FZD4: variants seen among roughly 807,000 people sequenced by gnomAD.
FZD4 encodes frizzled class receptor 4, also known as frizzled-4.
In FZD4, 16 loss-of-function variants were observed where a neutral mutation model predicts 37.3. The ratio of observed to expected loss-of-function variants is 0.43; its 90% confidence interval spans 0.29 to 0.65. The LOEUF (loss-of-function observed/expected upper bound fraction) is 0.65. Ranked by LOEUF, FZD4 falls within the 30% of genes least tolerant of loss-of-function variation. The probability of loss-of-function intolerance (pLI) is 0.16; values close to 1 mark genes in which losing one functional copy is unlikely to be tolerated. For missense variants in FZD4, 599 were observed against 674.3 expected (o/e 0.89, Z 1.24); for synonymous variants, 246 against 254.8 (o/e 0.97, Z 0.33).
rs201256460 is a variant in FZD4 at position 86,951,167 on chromosome 11, C to A, written c.1589G>T (p.Gly530Val). The A allele has an allele frequency of 1.2e-6, 2 of 1,613,958 alleles. No homozygotes were observed. The highest frequency in any genetic ancestry group is 1.7e-6 in the Non-Finnish European group (2 of 1,179,936). The change falls in exon 2 of 2, where the codon GGA becomes GTA. Residue 530 changes from glycine (G) to valine (V), a missense_variant. Gly to Val is a moderately radical substitution (Grantham distance 109). Around this residue, in one of 3 missense-constraint regions of FZD4, gnomAD observed 203 missense variants for 196.8 expected, o/e 1.03. Coordinates refer to ENST00000531380, the MANE Select transcript of FZD4 (RefSeq NM_012193.4). ...TTATACCACAGTCTCACTGCCTTTT[C>A]CAGGCTTCACCCAACCATTTCCTCT... ...EKRGNGWVKP[G>V]KGSETVV
chr11:86,954,488 C>T (rs1265922752), intron 1 of FZD4: 55 of 985,218 alleles, frequency 5.6e-5, no homozygotes, highest in Non-Finnish European at 2.8e-5. Flanking sequence ...GCCCACCGAG[C>T]AGTGGCGGCC....
chr11:86,955,195 G>GC lies in FZD4; in HGVS notation c.-111_-110insG. The GC allele has an allele frequency of 2.3e-6, 2 of 860,722 alleles. No individual in the cohort carries two copies. Among genetic ancestry groups the GC allele is most frequent in the Non-Finnish European group, 1.6e-6 (1 of 609,426 alleles). 53.3% of individuals were successfully genotyped at this position (860,722 alleles called of 1,614,324 possible). On this transcript the variant is annotated 5_prime_UTR_variant, in exon 1 of 2. Transcript: ENST00000531380. ...GCTGCTCCCAGCTCCCGGGACGGGA[G>GC]TGTGATGCGGCGACGAGGGGGCAGC...
chr11:86,952,483 C>T lies in FZD4; in HGVS notation c.286-13G>A. ...AACAAAGGAAGAACTGGAAAAGTAACAAAATGAACACACACAAAAAAAACA... is the reference window on the plus strand; with the variant it reads ...AACAAAGGAAGAACTGGAAAAGTAATAAAATGAACACACACAAAAAAAACA... On this transcript the variant is annotated splice_polypyrimidine_tract_variant and intron_variant, in intron 1 of 1. Coordinates refer to ENST00000531380, the MANE Select transcript of FZD4 (RefSeq NM_012193.4). The T allele has an allele frequency of 6.2e-7, 1 of 1,609,798 alleles. No individual in the cohort carries two copies. Among genetic ancestry groups the T allele is most frequent in the South Asian group, 1.1e-5 (1 of 90,954 alleles).
intron 1 of FZD4, 95 bp from the exon 2 acceptor site, chr11:86,952,565 A>C: frequency 2.2e-6 from 3 of 1,375,732 alleles, no homozygotes; most frequent in Non-Finnish European, 3.1e-6. Flanking sequence ...GCTTCCAGGC[A>C]ATCTAGGTAT....
rs1949324835 is a variant in FZD4, at chr11:86,955,046, G to A, written c.40C>T (p.Pro14Ser). 7.5e-6 allele frequency: 12 copies of A among 1,604,900 alleles called. No individual in the cohort carries two copies. In the South Asian group the frequency reaches 7.8e-5, roughly 10 times the overall value. The change falls in exon 1 of 2, where the codon CCC (proline) becomes TCC (serine). Residue 14 changes from proline (P) to serine (S), a missense_variant. This residue lies in a region of FZD4 where 357 missense variants were observed against 396.1 expected (regional missense o/e 0.90). Coordinates refer to ENST00000531380, the MANE Select transcript of FZD4 (RefSeq NM_012193.4). Reference sequence around the variant, plus strand: ...CCCAGACTGAGACCGACGCCCCCGGGCGCCCCCGGGACGCTCGGCCCTGCG... The same window carrying A: ...CCCAGACTGAGACCGACGCCCCCGGACGCCCCCGGGACGCTCGGCCCTGCG... ...RGAGPSVPGA[P>S]GGVGLSLGLL...
chr11:86,952,456 A>T lies in FZD4; in HGVS notation c.300T>A (p.Ser100=). ...TCTCTGTGCACATTGGCACATAAAC[A>T]GAACAAAGGAAGAACTGGAAAAGTA... ...CSSQLQFFLC[S]VYVPMCTEKI... The change falls in exon 2 of 2, where the codon TCT becomes TCA. Residue 100 remains serine, a synonymous_variant. Coordinates refer to ENST00000531380, the MANE Select transcript of FZD4 (RefSeq NM_012193.4). The T allele has an allele frequency of 6.2e-7, 1 of 1,613,732 alleles. No individual in the cohort carries two copies. Among genetic ancestry groups the T allele is most frequent in the Non-Finnish European group, 8.5e-7 (1 of 1,179,996 alleles).
intron 1 of FZD4, chr11:86,954,100 C>A (rs766801891): frequency 1.1e-5 from 3 of 263,176 alleles, no homozygotes; most frequent in Non-Finnish European, 1.8e-5. Context: ...ATTATAATCA[C>A]CCTGTATATG....
intron 1 of FZD4, 21 bp downstream of exon 1, chr11:86,954,780 G>T (rs1363719108): frequency 6.3e-7 from 1 of 1,587,192 alleles, no homozygotes; most frequent in Non-Finnish European, 8.6e-7. Flanking sequence ...TCCCGCCAGG[G>T]GTGGGGGTGG....
chr11:86,954,694 C>T, intron 1 of FZD4, 107 bp downstream of exon 1: 1 of 1,452,628 alleles, frequency 6.9e-7, no homozygotes. Flanking sequence ...TCCAGGAGAG[C>T]TGTCTCCTTC....
In FZD4 at chr11:86,948,206, C is replaced by T. The variant is rs1949259883; in HGVS notation, c.*2936G>A. On this transcript the variant is annotated 3_prime_UTR_variant, in exon 2 of 2. Transcript: ENST00000531380. ...GACCCAGGCTGGGTGTGGTGGCTCA[C>T]ACAGGAAGAGATTTATGGAATGGAG... The T allele has an allele frequency of 6.6e-6, 1 of 151,996 alleles. No individual in the cohort carries two copies. The highest frequency in any genetic ancestry group is 2.4e-5 in the African/African-American group (1 of 41,334). The allele number at this position is 151,996 out of a possible 1,614,324, so 9.4% of individuals were successfully genotyped here. A position where few individuals can be genotyped will look rare whatever the true frequency, so the allele number is the denominator to read the frequency against.
In FZD4 at chr11:86,954,945, G is replaced by T. The variant is rs1949323606; in HGVS notation, c.141C>A (p.Pro47=). ...FGDEEERRCD[P]IRISMCQNLG... ...GGTTCTGGCACATGGAGATGCGGAT[G>T]GGGTCGCAGCGCCGCTCTTCCTCGT... Residue 47 remains proline, a synonymous_variant, in exon 1 of 2, where the codon CCC becomes CCA. Coordinates refer to ENST00000531380, the MANE Select transcript of FZD4 (RefSeq NM_012193.4). 6.2e-7 allele frequency: 1 copy of T among 1,613,468 alleles called. No individual in the cohort carries two copies. The highest frequency in any genetic ancestry group is 1.3e-5 in the African/African-American group (1 of 74,844).
chr11:86,952,376 C>G lies in FZD4; in HGVS notation c.380G>C (p.Arg127Pro). The change falls in exon 2 of 2, where the codon CGC (arginine) becomes CCC (proline). Residue 127 changes from arginine to proline, a missense_variant. By Grantham distance (103) the Arg-to-Pro change is moderately radical. This residue lies in a region of FZD4 where 357 missense variants were observed against 396.1 expected (regional missense o/e 0.90). Transcript: ENST00000531380. ...CGGMCLSVKR[R>P]CEPVLKEFGF... The stretch of plus-strand genomic sequence containing the variant: ...AAATTCCTTCAGGACGGGTTCACAG[C>G]GTCTCTTGACTGAAAGACACATGCC... The G allele has an allele frequency of 6.2e-7, 1 of 1,614,180 alleles. No individual in the cohort carries two copies. The highest frequency in any genetic ancestry group is 1.3e-5 in the African/African-American group (1 of 75,060).
In FZD4 at chr11:86,947,968, T is replaced by C. The variant is rs942825232; in HGVS notation, c.*3174A>G. 6.6e-6 allele frequency: 1 copy of C among 152,276 alleles called. No homozygotes were observed. The highest frequency in any genetic ancestry group is 2.1e-4 in the South Asian group (1 of 4,834). The allele number at this position is 152,276 out of a possible 1,614,324, so 9.4% of individuals were successfully genotyped here. On this transcript the variant is annotated 3_prime_UTR_variant, in exon 2 of 2. Transcript: ENST00000531380. ...AAGATGCTGTCCTCAAATATACCTATACAAGTCACATGGAATACCCCAAGC... is the reference window on the plus strand; with the variant it reads ...AAGATGCTGTCCTCAAATATACCTACACAAGTCACATGGAATACCCCAAGC...
At position 86,955,015 on chromosome 11, in the gene FZD4, A is replaced by G; in HGVS notation, c.71T>C (p.Leu24Pro). 1.2e-6 allele frequency: 2 copies of G among 1,612,504 alleles called. No individual in the cohort carries two copies. The highest frequency in any genetic ancestry group is 1.1e-5 in the South Asian group (1 of 91,024). Reference sequence around the variant, plus strand: ...CCCCAGGAGCAGCAGCAACTGCAGGAGCAACCCCAGACTGAGACCGACGCC... The same window carrying G: ...CCCCAGGAGCAGCAGCAACTGCAGGGGCAACCCCAGACTGAGACCGACGCC... ...PGGVGLSLGL[L>P]LQLLLLLGPA... The change falls in exon 1 of 2, where the codon CTC becomes CCC. Residue 24 changes from leucine (L) to proline (P), a missense_variant. Around this residue, in one of 3 missense-constraint regions of FZD4, gnomAD observed 357 missense variants for 396.1 expected, o/e 0.90. Transcript: ENST00000531380.
In FZD4 at chr11:86,953,569, C is replaced by T. The variant is rs555354966; in HGVS notation, c.286-1099G>A. Among the ~76,000 whole-genome samples, 3 of 152,144 alleles carry T rather than the reference C, an allele frequency of 2.0e-5. No individual in the cohort carries two copies. In the South Asian group the frequency reaches 6.2e-4, roughly 32 times the overall value. ...TGCACCTAGTAAGTAAGCTGTATGT[C>T]TGTTTATTATCTCTCAGAAGTTACA... On this transcript the variant is annotated intron_variant, in intron 1 of 1. Coordinates refer to ENST00000531380, the MANE Select transcript of FZD4 (RefSeq NM_012193.4).
chr11:86,954,879 G>C lies in FZD4; in HGVS notation c.207C>G (p.His69Gln). 1 of 1,613,040 alleles carries C rather than the reference G, an allele frequency of 6.2e-7. No homozygotes were observed. Among genetic ancestry groups the C allele is most frequent in the Non-Finnish European group, 8.5e-7 (1 of 1,179,704 alleles). Residue 69 changes from histidine to glutamine, a missense_variant, in exon 1 of 2, where the codon CAC (histidine) becomes CAG (glutamine). By Grantham distance (24) the His-to-Gln change is conservative. Around this residue, in one of 3 missense-constraint regions of FZD4, gnomAD observed 357 missense variants for 396.1 expected, o/e 0.90. Transcript: ENST00000531380. ...GCAGCTCGGCGTCCGTCTGCAGCTC[G>C]TGCCCAACCAGGTTGGGCATCTTGG... ...NVTKMPNLVG[H>Q]ELQTDAELQL...
At chr11:86,952,654 C>A in intron 1 of FZD4, 184 bp from the exon 2 acceptor site, 1 of 595,566 alleles carries the variant, frequency 1.7e-6, no homozygotes, top group East Asian at 2.8e-5. Context: ...CCATCACTTA[C>A]ATACTTTTCT....
At position 86,952,042 on chromosome 11, in the gene FZD4, T is replaced by C; in HGVS notation, c.714A>G (p.Val238=). The C allele has an allele frequency of 3.1e-6, 5 of 1,614,100 alleles. No homozygotes were observed. The highest frequency in any genetic ancestry group is 1.1e-5 in the South Asian group (1 of 91,080). ...SLCFISTAFT[V]LTFLIDSSRF... ...TAGAAGAATCGATCAGGAAGGTCAG[T>C]ACTGTGAAGGCAGTGGAGATGAAAC... Residue 238 remains valine, a synonymous_variant, in exon 2 of 2, where the codon GTA becomes GTG. Coordinates refer to ENST00000531380, the MANE Select transcript of FZD4 (RefSeq NM_012193.4).
In FZD4 at chr11:86,949,421, A is replaced by C. The variant is rs933462702; in HGVS notation, c.*1721T>G. On this transcript the variant is annotated 3_prime_UTR_variant, in exon 2 of 2. Coordinates refer to ENST00000531380, the MANE Select transcript of FZD4 (RefSeq NM_012193.4). ...AAGTGTGATTGAAAAAAAAAAAAAG[A>C]AAAAAAAAAGCTTCCCTTCCTATTT... 6.7e-6 allele frequency: 1 copy of C among 148,864 alleles called. No homozygotes were observed. Among genetic ancestry groups the C allele is most frequent in the Admixed American group, 6.7e-5 (1 of 14,858 alleles). 9.2% of individuals were successfully genotyped at this position (148,864 alleles called of 1,614,324 possible).
Sources: allele counts gnomAD v4.1 joint callset (sites outside exome capture counted in the v4.1 genomes callset), GRCh38; gene constraint gnomAD v4.1.1; regional missense constraint gnomAD v4.1.1; transcripts MANE v1.5; gene names NCBI Gene and HGNC (gene_info 2026-07-23, HGNC 2026-07-21).